Variants in ABCD3 observed in about 807,000 individuals in gnomAD.
The protein encoded by ABCD3 is ATP-binding cassette sub-family D member 3.
In ABCD3, 41 loss-of-function variants were observed where a neutral mutation model predicts 105.5. The observed-to-expected ratio is 0.39, with a 90% CI of 0.30 to 0.50. ABCD3 has a LOEUF of 0.50. Among genes scored for constraint, ABCD3 ranks in the 20% least tolerant of loss-of-function variants. The probability of loss-of-function intolerance (pLI) is 0.84; values close to 1 mark genes in which losing one functional copy is unlikely to be tolerated. For synonymous variants in ABCD3, 258 were observed against 269.0 expected (o/e 0.96, Z 0.40); for missense variants, 622 against 806.3 (o/e 0.77, Z 2.77).
intron 20 of ABCD3, among the ~76,000 whole-genome samples, chr1:94,499,883 A>T (rs1342416405): frequency 1.3e-5 from 2 of 152,168 alleles, no homozygotes; most frequent in African/African-American, 2.4e-5. Context: ...AAGTTCAGAG[A>T]AACTCTGTAG....
chr1:94,465,161 C>T (rs1266601375), intron 3 of ABCD3, among the ~76,000 whole-genome samples: 1 of 152,142 alleles, frequency 6.6e-6, no homozygotes, highest in Non-Finnish European at 1.5e-5. Context: ...CACTCACTGT[C>T]TGGAGGACAG....
intron 1 of ABCD3, among the ~76,000 whole-genome samples, chr1:94,431,812 C>A (rs1025210172): frequency 1.3e-5 from 2 of 152,070 alleles, no homozygotes; most frequent in African/African-American, 4.8e-5. Context: ...AAATATAGTT[C>A]TTTATTTACC....
chr1:94,426,211 T>A (rs1018970781), intron 1 of ABCD3, among the ~76,000 whole-genome samples: 8 of 152,144 alleles, frequency 5.3e-5, no homozygotes, highest in Non-Finnish European at 8.8e-5. Flanking sequence ...ACTTTCAGAG[T>A]TGGAAAGTAT....
At chr1:94,418,626 G>C in intron 1 of ABCD3, 38 bp downstream of exon 1, 1 of 1,553,522 alleles carries the variant, frequency 6.4e-7, no homozygotes, top group Non-Finnish European at 8.7e-7. Context: ...TCCCGGGCTG[G>C]AGCGGGCGCT....
chr1:94,425,207 A>T (rs1411480474), intron 1 of ABCD3, among the ~76,000 whole-genome samples: 1 of 152,232 alleles, frequency 6.6e-6, no homozygotes, highest in African/African-American at 2.4e-5. Context: ...ATTTAAGAAA[A>T]TTAAAAATCA....
At chr1:94,412,708 A>G in the ABCD3 span, among the ~76,000 whole-genome samples, 1 of 152,188 alleles carries the variant, frequency 6.6e-6, no homozygotes, top group Non-Finnish European at 1.5e-5. Context: ...GTTCTTCTGG[A>G]GTTCATATTT....
At chr1:94,450,877 T>C (rs1647221148) in intron 1 of ABCD3, among the ~76,000 whole-genome samples, 1 of 152,200 alleles carries the variant, frequency 6.6e-6, no homozygotes, top group Non-Finnish European at 1.5e-5. Context: ...TTCACTTTTT[T>C]CAAGTCTAAA....
intron 20 of ABCD3, among the ~76,000 whole-genome samples, chr1:94,505,651 T>C (rs1463706946): frequency 6.6e-6 from 1 of 152,096 alleles, no homozygotes; most frequent in Non-Finnish European, 1.5e-5. Flanking sequence ...GGAGGAGACC[T>C]AGAAATTAGC....
intron 16 of ABCD3, among the ~76,000 whole-genome samples, chr1:94,498,356 G>A (rs1649925536): frequency 1.3e-5 from 2 of 151,944 alleles, no homozygotes; most frequent in Admixed American, 1.3e-4. Flanking sequence ...ATGGGTGTGA[G>A]CCACAGTACC....
chr1:94,483,285 T>G, intron 10 of ABCD3, 46 bp downstream of exon 10: 1 of 1,481,984 alleles, frequency 6.7e-7, no homozygotes, highest in African/African-American at 1.4e-5. Context: ...AAAGGGTTTT[T>G]TTTGTTTGTT....
chr1:94,433,732 C>G (rs908765923), intron 1 of ABCD3, among the ~76,000 whole-genome samples: 2 of 150,796 alleles, frequency 1.3e-5, no homozygotes, highest in Non-Finnish European at 3.0e-5. Flanking sequence ...CTGCAACCTC[C>G]GCCTCCCAGG....
chr1:94,420,675 T>A (rs1325383341), intron 1 of ABCD3, among the ~76,000 whole-genome samples: 1 of 152,142 alleles, frequency 6.6e-6, no homozygotes, highest in African/African-American at 2.4e-5. Context: ...TGGTATTGAG[T>A]GTATTTTTGT....
At chr1:94,467,283 A>G (rs1000412007) in intron 3 of ABCD3, among the ~76,000 whole-genome samples, 3 of 152,036 alleles carry the variant, frequency 2.0e-5, no homozygotes, top group Non-Finnish European at 4.4e-5. Context: ...TCATATTTCT[A>G]ATGCCATAAC....
chr1:94,501,266 A>T (rs1170135700), intron 20 of ABCD3, among the ~76,000 whole-genome samples: 1 of 124,718 alleles, frequency 8.0e-6, no homozygotes, highest in Non-Finnish European at 1.7e-5. Context: ...GTCTCAAAAG[A>T]AAAAAAAAAA....
chr1:94,386,310 C>A, the ABCD3 span, among the ~76,000 whole-genome samples: 5 of 152,304 alleles, frequency 3.3e-5, no homozygotes, highest in Admixed American at 1.3e-4. Flanking sequence ...TTCAGGGCTT[C>A]CTAAATTATA....
chr1:94,404,890 T>G, the ABCD3 span, among the ~76,000 whole-genome samples: 9 of 148,864 alleles, frequency 6.0e-5, no homozygotes, highest in African/African-American at 2.2e-4. Flanking sequence ...AATGAGCTGA[T>G]ATTGCGCCGC....
intron 1 of ABCD3, among the ~76,000 whole-genome samples, chr1:94,445,338 G>A (rs1289002881): frequency 2.6e-5 from 4 of 152,186 alleles, no homozygotes; most frequent in Non-Finnish European, 5.9e-5. Flanking sequence ...AGGTTGAGGG[G>A]TCGCTGGAGT....
intron 13 of ABCD3, 90 bp downstream of exon 13, chr1:94,488,073 G>A: frequency 9.3e-7 from 1 of 1,079,346 alleles, no homozygotes; most frequent in Non-Finnish European, 1.4e-6. Context: ...TAAGATAAGG[G>A]GTCAACATTT....
At chr1:94,451,299 T>G (rs1049421593) in intron 1 of ABCD3, among the ~76,000 whole-genome samples, 1 of 152,192 alleles carries the variant, frequency 6.6e-6, no homozygotes, top group Non-Finnish European at 1.5e-5. Flanking sequence ...GGAGTCTAAT[T>G]TCCTTAGTGC....
Sources: allele counts gnomAD v4.1 joint callset (sites outside exome capture counted in the v4.1 genomes callset), GRCh38; gene constraint gnomAD v4.1.1; transcripts MANE v1.5; gene names NCBI Gene and HGNC (gene_info 2026-07-23, HGNC 2026-07-21).